ADRA1A: variants seen among roughly 807,000 people sequenced by gnomAD.
ADRA1A encodes adrenoceptor alpha 1A.
Under a neutral mutation model 29.6 loss-of-function variants are expected in ADRA1A, and 31 were observed. The ratio of observed to expected loss-of-function variants is 1.05; its 90% confidence interval spans 0.79 to 1.41. The LOEUF (loss-of-function observed/expected upper bound fraction) is 1.41, where lower values mean the gene tolerates loss of function less well. ADRA1A is among the 40% of genes most tolerant of loss of function. The pLI is 0.00. For synonymous variants in ADRA1A, 311 were observed against 254.3 expected (o/e 1.22, Z -2.12); for missense variants, 619 against 601.1 (o/e 1.03, Z -0.31).
chr8:26,831,656 G>T lies in ADRA1A; in HGVS notation c.883+32431C>A, dbSNP rs1361622759. On this transcript the variant is annotated intron_variant, in intron 2 of 2. Transcript: ENST00000380573. The surrounding 1 kb of genome is among the most constrained non-coding windows in gnomAD (Gnocchi z 5.2). The stretch of plus-strand genomic sequence containing the variant: ...TTCAATCTTTCTTCTTTCCAGCCTG[G>T]GTAGATCAGCCACATGCCAATTGTC... Among the ~76,000 whole-genome samples, 1 of 152,178 alleles carries T rather than the reference G, an allele frequency of 6.6e-6. No homozygotes were observed. Among genetic ancestry groups the T allele is most frequent in the East Asian group, 1.9e-4 (1 of 5,196 alleles).
Position 26,864,259 on chromosome 8 carries a change from AT to A in ADRA1A, c.710del (p.His237LeufsTer23). The A allele has an allele frequency of 6.2e-7, 1 of 1,614,096 alleles. No individual in the cohort carries two copies. The highest frequency in any genetic ancestry group is 8.5e-7 in the Non-Finnish European group (1 of 1,180,018). On this transcript the variant is annotated frameshift_variant, in exon 2 of 3. Transcript: ENST00000380573. LOFTEE classifies it high-confidence loss of function. This position sits in a 1 kb window ranked among gnomAD's most constrained non-coding sequence, Gnocchi z 8.1. ...TGCCTCCTGCCGGGGCGTTTTTCCG[AT>A]GGATGCGGAGCGTCACTTGCTCCGA... ...SDSEQVTLRIHRKNAPAGGSG... is the reference protein window; with the variant it reads ...SDSEQVTLRIXRKNAPAGGSG...
intron 2 of ADRA1A, among the ~76,000 whole-genome samples, chr8:26,759,684 C>T (rs1240647084): frequency 6.6e-6 from 1 of 152,190 alleles, no homozygotes; most frequent in Non-Finnish European, 1.5e-5. Flanking sequence ...CCACAGCCCT[C>T]CCATCCCTTG....
chr8:26,766,518 T>C (rs61759727), downstream of ADRA1A, among the ~76,000 whole-genome samples: 869 of 152,330 alleles, frequency 5.7e-3, 3 homozygotes, highest in Non-Finnish European at 0.01. Flanking sequence ...TTGACTGGGC[T>C]GGAGATTTGG....
chr8:26,821,703 T>C lies in ADRA1A; in HGVS notation c.883+42384A>G, dbSNP rs1810181974. On this transcript the variant is annotated intron_variant, in intron 2 of 2. Coordinates refer to ENST00000380573, the MANE Select transcript of ADRA1A (RefSeq NM_000680.4). The surrounding 1 kb of genome is among the most constrained non-coding windows in gnomAD (Gnocchi z 5.6). ...GTCAAGATACAGAATAGTTCCATCC[T>C]GGCAAGGAGCTCTCAAATAGTCCTT... is the stretch of plus-strand genomic sequence containing the variant. Among the ~76,000 whole-genome samples the C allele has an allele frequency of 6.6e-6, 1 of 152,202 alleles. No individual in the cohort carries two copies. The highest frequency in any genetic ancestry group is 1.5e-5 in the Non-Finnish European group (1 of 68,032).
intron 2 of ADRA1A, among the ~76,000 whole-genome samples, chr8:26,777,856 GC>G (rs1283852438): frequency 2.0e-5 from 3 of 152,234 alleles, no homozygotes; most frequent in African/African-American, 7.2e-5. Flanking sequence ...CACCCTGGGG[GC>G]CTGCCCAGTG....
Position 26,821,509 on chromosome 8 carries a change from C to T in ADRA1A, c.883+42578G>A, listed in dbSNP as rs908367675. Among the ~76,000 whole-genome samples, 2 of 152,132 alleles carry T rather than the reference C, an allele frequency of 1.3e-5. No homozygotes were observed. Among genetic ancestry groups the T allele is most frequent in the Non-Finnish European group, 2.9e-5 (2 of 68,030 alleles). On this transcript the variant is annotated intron_variant, in intron 2 of 2. Coordinates refer to ENST00000380573, the MANE Select transcript of ADRA1A (RefSeq NM_000680.4). This position sits in a 1 kb window ranked among gnomAD's most constrained non-coding sequence, Gnocchi z 5.6. ...AAGCCATTCATGAGGAAGCCAACTC[C>T]CTGATCCAATCACCTCCCACCAGGC...
chr8:26,804,096 AT>A (rs1028378146), intron 2 of ADRA1A, among the ~76,000 whole-genome samples: 3 of 151,522 alleles, frequency 2.0e-5, no homozygotes, highest in Admixed American at 2.0e-4. Flanking sequence ...TAATTTTTAA[AT>A]TTTTTTTAGA....
intron 2 of ADRA1A, among the ~76,000 whole-genome samples, chr8:26,813,808 CA>C (rs1809580020): frequency 6.6e-6 from 1 of 151,828 alleles, no homozygotes; most frequent in Non-Finnish European, 1.5e-5. Flanking sequence ...ATATTAAAAA[CA>C]AAAAGCAATT....
In ADRA1A at chr8:26,864,301, C is replaced by T. The variant is rs779873881; in HGVS notation, c.669G>A (p.Lys223=). The change falls in exon 2 of 3, where the codon AAG becomes AAA. Residue 223 remains lysine (K), a synonymous_variant. Transcript: ENST00000380573. This position sits in a 1 kb window ranked among gnomAD's most constrained non-coding sequence, Gnocchi z 8.1. ...CTTGCTCCGAGTCCGACTTGTCGGT[C>T]TTGAGGCCAGACTTGAGGCCCCGGC... The part of the protein sequence containing the change: ...RESRGLKSGL[K]TDKSDSEQVT... 13 of 1,614,020 alleles carry T rather than the reference C, an allele frequency of 8.1e-6. No homozygotes were observed. In the African/African-American group the frequency reaches 1.6e-4, roughly 20 times the overall value.
chr8:26,795,852 TA>T (rs1808155961), intron 2 of ADRA1A, among the ~76,000 whole-genome samples: 1 of 151,988 alleles, frequency 6.6e-6, no homozygotes, highest in Non-Finnish European at 1.5e-5. Flanking sequence ...AAAGGAAAAT[TA>T]AATAGAAATT....
intron 2 of ADRA1A, among the ~76,000 whole-genome samples, chr8:26,794,049 C>T (rs988145440): frequency 1.3e-5 from 2 of 151,920 alleles, no homozygotes; most frequent in African/African-American, 4.8e-5. Flanking sequence ...AGTTGAAATA[C>T]AATGAAAGTT....
In ADRA1A at chr8:26,841,743, C is replaced by G. The variant is rs1811831748; in HGVS notation, c.883+22344G>C. On this transcript the variant is annotated intron_variant, in intron 2 of 2. Coordinates refer to ENST00000380573, the MANE Select transcript of ADRA1A (RefSeq NM_000680.4). This position sits in a 1 kb window ranked among gnomAD's most constrained non-coding sequence, Gnocchi z 4.4. ...GCATTCCTATTTAGTGACATCTCTT[C>G]CCAACTCTGCATCAGCTTTGATAGG... Among the ~76,000 whole-genome samples the G allele has an allele frequency of 1.3e-5, 2 of 152,212 alleles. No individual in the cohort carries two copies. The highest frequency in any genetic ancestry group is 2.1e-4 in the South Asian group (1 of 4,828).
chr8:26,762,773 C>T (rs547508281), downstream of ADRA1A, among the ~76,000 whole-genome samples: 14 of 152,290 alleles, frequency 9.2e-5, no homozygotes, highest in African/African-American at 3.1e-4. The surrounding 1 kb of genome is among the most constrained non-coding windows in gnomAD (Gnocchi z 4.0). Context: ...CCACCATCCA[C>T]GCCCCATCTC....
At position 26,825,149 on chromosome 8, in the gene ADRA1A, A is replaced by G. The variant is rs1312588520; in HGVS notation, c.883+38938T>C. Among the ~76,000 whole-genome samples the G allele has an allele frequency of 1.3e-5, 2 of 152,116 alleles. No individual in the cohort carries two copies. Among genetic ancestry groups the G allele is most frequent in the Non-Finnish European group, 2.9e-5 (2 of 68,018 alleles). Reference sequence around the variant, plus strand: ...CTCCAGAGAGACCCCCAGCCCCCACATGTCCCACCCTGAGCTTGCTAGGCC... The same window carrying G: ...CTCCAGAGAGACCCCCAGCCCCCACGTGTCCCACCCTGAGCTTGCTAGGCC... On this transcript the variant is annotated intron_variant, in intron 2 of 2. Transcript: ENST00000380573. This position sits in a 1 kb window ranked among gnomAD's most constrained non-coding sequence, Gnocchi z 5.7.
At position 26,806,065 on chromosome 8, in the gene ADRA1A, T is replaced by C. The variant is rs531751484; in HGVS notation, c.884-35399A>G. On this transcript the variant is annotated intron_variant, in intron 2 of 2. Coordinates refer to ENST00000380573, the MANE Select transcript of ADRA1A (RefSeq NM_000680.4). The surrounding 1 kb of genome is among the most constrained non-coding windows in gnomAD (Gnocchi z 4.6). ...CGCCAATGTGCTTGCTCTTCCTATT[T>C]TATCCTTCCAGGCATGTGGCAGCTT... Among the ~76,000 whole-genome samples, 18 of 152,330 alleles carry C rather than the reference T, an allele frequency of 1.2e-4. No individual in the cohort carries two copies. The East Asian group carries it at 3.5e-3, about 29-fold the overall frequency.
Position 26,864,410 on chromosome 8 carries a change from A to T in ADRA1A, c.560T>A (p.Phe187Tyr). ...CAGGTAGAAGGAGCCCAGCGCTGAGAAGAGCACGTAGCCCGGCTCCTCGTT... is the reference window on the plus strand; with the variant it reads ...CAGGTAGAAGGAGCCCAGCGCTGAGTAGAGCACGTAGCCCGGCTCCTCGTT... ...QINEEPGYVL[F>Y]SALGSFYLPL... Residue 187 changes from phenylalanine to tyrosine, a missense_variant, in exon 2 of 3, where the codon TTC (phenylalanine) becomes TAC (tyrosine). Physicochemically the swap from Phe to Tyr is conservative, Grantham distance 22. Transcript: ENST00000380573. The surrounding 1 kb of genome is among the most constrained non-coding windows in gnomAD (Gnocchi z 8.1). 1 of 1,613,610 alleles carries T rather than the reference A, an allele frequency of 6.2e-7. No individual in the cohort carries two copies. Among genetic ancestry groups the T allele is most frequent in the Non-Finnish European group, 8.5e-7 (1 of 1,180,014 alleles).
chr8:26,774,741 C>T (rs1328737343), intron 2 of ADRA1A, among the ~76,000 whole-genome samples: 1 of 151,898 alleles, frequency 6.6e-6, no homozygotes, highest in Non-Finnish European at 1.5e-5. Context: ...CGTATTTCTT[C>T]CTTTATTTTT....
At chr8:26,765,822 G>A (rs58491269), downstream of ADRA1A, 3,506 of 1,345,762 alleles carry the variant, frequency 2.6e-3, 76 homozygotes, top group African/African-American at 0.045. Flanking sequence ...AATTGAGAAA[G>A]TTTGTCAAGC....
chr8:26,808,007 C>T (rs1269751672), intron 2 of ADRA1A, among the ~76,000 whole-genome samples: 2 of 152,162 alleles, frequency 1.3e-5, no homozygotes, highest in Non-Finnish European at 2.9e-5. Flanking sequence ...TTTCTAAGTT[C>T]ATACTTTGAA....
Sources: allele counts gnomAD v4.1 joint callset (sites outside exome capture counted in the v4.1 genomes callset), GRCh38; gene constraint gnomAD v4.1.1; non-coding constraint Gnocchi (gnomAD v3.1); transcripts MANE v1.5; gene names NCBI Gene and HGNC (gene_info 2026-07-23, HGNC 2026-07-21).